Variants in ABCA13 observed in about 807,000 individuals in gnomAD.
The protein encoded by ABCA13 is ATP-binding cassette sub-family A member 13.
In ABCA13, 476 loss-of-function variants were observed where a neutral mutation model predicts 478.7. That is an observed-to-expected ratio of 0.99 (90% CI 0.92 to 1.07). ABCA13 has a LOEUF of 1.07. Ranked by LOEUF, ABCA13 falls within the 50% of genes least tolerant of loss-of-function variation. The probability of loss-of-function intolerance (pLI) is 0.00; values close to 1 mark genes in which losing one functional copy is unlikely to be tolerated. For missense variants in ABCA13, 6,060 were observed against 5,910.6 expected (o/e 1.03, Z -0.83); for synonymous variants, 2,252 against 2,158.9 (o/e 1.04, Z -1.20).
At chr7:48,251,839 A>C (rs944177105) in intron 15 of ABCA13, among the ~76,000 whole-genome samples, 2 of 152,242 alleles carry the variant, frequency 1.3e-5, no homozygotes, top group African/African-American at 4.8e-5. Context: ...TATATTTCAC[A>C]CATTTTAATA....
intron 51 of ABCA13, among the ~76,000 whole-genome samples, chr7:48,512,991 A>G (rs1831822295): frequency 6.6e-6 from 1 of 152,210 alleles, no homozygotes; most frequent in Non-Finnish European, 1.5e-5. Flanking sequence ...ATGGGAATGC[A>G]GATTTAGAAG....
chr7:48,587,163 GACCTCATCAGGCGCTTAC>G lies in ABCA13; in HGVS notation c.14521_14538del (p.Ile4841_Leu4846del). On this transcript the variant is annotated inframe_deletion, in exon 57 of 62. Transcript: ENST00000435803. ...CATGCCTCTCTTCCAGGTTGCTGGA[GACCTCATCAGGCGCTTAC>G]ACCTCGAAGCCCACGCGGACAAACC... 6.2e-7 allele frequency: 1 copy of G among 1,613,242 alleles called. No individual in the cohort carries two copies.
intron 46 of ABCA13, 93 bp from the exon 47 acceptor site, chr7:48,482,983 G>C: frequency 1.0e-6 from 1 of 970,610 alleles, no homozygotes; most frequent in Non-Finnish European, 1.5e-6. Context: ...TCCTAAGACT[G>C]CTGTACCTGG....
intron 51 of ABCA13, among the ~76,000 whole-genome samples, chr7:48,511,881 A>G (rs973658433): frequency 3.9e-5 from 6 of 152,202 alleles, no homozygotes; most frequent in Non-Finnish European, 8.8e-5. Context: ...AAAAGATAAA[A>G]CAGCTTGCTC....
intron 51 of ABCA13, among the ~76,000 whole-genome samples, chr7:48,513,068 G>A (rs970659970): frequency 1.3e-5 from 2 of 152,228 alleles, no homozygotes; most frequent in African/African-American, 4.8e-5. Flanking sequence ...ACTGTAACAG[G>A]AGGGGCAGTG....
chr7:48,609,873 C>T (rs535374021), intron 58 of ABCA13, among the ~76,000 whole-genome samples: 2 of 152,216 alleles, frequency 1.3e-5, no homozygotes, highest in African/African-American at 2.4e-5. Context: ...GGGAAACCTG[C>T]CCCATGATCA....
At chr7:48,626,508 TA>T (rs138962764) in intron 59 of ABCA13, 113 of 608,224 alleles carry the variant, frequency 1.9e-4, no homozygotes, top group South Asian at 4.4e-4. Context: ...AATTCTAAGG[TA>T]AAAAAAAGGC....
At chr7:48,598,403 T>C (rs576471292) in intron 58 of ABCA13, among the ~76,000 whole-genome samples, 2 of 152,326 alleles carry the variant, frequency 1.3e-5, no homozygotes, top group African/African-American at 4.8e-5. Flanking sequence ...CGTGTGCAGT[T>C]TTTTGTGTGA....
chr7:48,604,966 C>T (rs933954666), intron 58 of ABCA13, among the ~76,000 whole-genome samples: 7 of 152,200 alleles, frequency 4.6e-5, no homozygotes, highest in African/African-American at 1.7e-4. Context: ...GCATTGATCC[C>T]TTTACCATTA....
chr7:48,443,751 C>T (rs768833071), intron 42 of ABCA13, among the ~76,000 whole-genome samples: 3 of 152,160 alleles, frequency 2.0e-5, no homozygotes, highest in African/African-American at 7.2e-5. Context: ...CCCCTCTCCT[C>T]GTGCCTCCGG....
intron 23 of ABCA13, among the ~76,000 whole-genome samples, chr7:48,301,337 CG>C (rs968069783): frequency 1.3e-5 from 2 of 151,982 alleles, no homozygotes; most frequent in African/African-American, 4.8e-5. Flanking sequence ...CTGGTTCTGT[CG>C]GTTGCGACAT....
At chr7:48,295,902 C>G (rs749199840) in intron 21 of ABCA13, 39 bp downstream of exon 21, 3 of 1,558,052 alleles carry the variant, frequency 1.9e-6, no homozygotes, top group East Asian at 2.3e-5. Flanking sequence ...CCCAGTACTT[C>G]CATTCATAGA....
intron 19 of ABCA13, among the ~76,000 whole-genome samples, chr7:48,282,851 C>T (rs552462807): frequency 6.1e-4 from 93 of 152,242 alleles, no homozygotes; most frequent in Middle Eastern, 3.4e-3. Context: ...GTTGTGAGAA[C>T]CCAGAGACTG....
chr7:48,416,563 T>G (rs1344443019), intron 41 of ABCA13, among the ~76,000 whole-genome samples: 1 of 152,178 alleles, frequency 6.6e-6, no homozygotes, highest in Admixed American at 6.5e-5. Flanking sequence ...AAACTTCTAG[T>G]GCAGCGCGTG....
At chr7:48,627,161 A>G (rs915461753) in intron 59 of ABCA13, 26 of 640,622 alleles carry the variant, frequency 4.1e-5, no homozygotes, top group Non-Finnish European at 4.9e-5. Flanking sequence ...CCACTTCACA[A>G]TAAAGAAACT....
At chr7:48,576,791 C>A (rs1284916062) in intron 55 of ABCA13, among the ~76,000 whole-genome samples, 1 of 151,930 alleles carries the variant, frequency 6.6e-6, no homozygotes, top group Non-Finnish European at 1.5e-5. Context: ...CCAGTAAGCA[C>A]AATATAACTT....
At chr7:48,268,733 G>A (rs1795198320) in intron 15 of ABCA13, among the ~76,000 whole-genome samples, 1 of 151,172 alleles carries the variant, frequency 6.6e-6, no homozygotes, top group Non-Finnish European at 1.5e-5. Flanking sequence ...ATAATCATAG[G>A]TCTCGCTCTG....
At chr7:48,625,149 C>G (rs964258627) in intron 59 of ABCA13, among the ~76,000 whole-genome samples, 2 of 152,148 alleles carry the variant, frequency 1.3e-5, no homozygotes, top group Non-Finnish European at 2.9e-5. Context: ...TCTCAAGCTA[C>G]CACTGTCTGA....
intron 41 of ABCA13, among the ~76,000 whole-genome samples, chr7:48,415,424 T>C (rs1005329738): frequency 2.6e-5 from 4 of 152,214 alleles, no homozygotes; most frequent in Non-Finnish European, 5.9e-5. Flanking sequence ...TTACTAGTTG[T>C]ATGGTGTCTT....
Sources: gnomAD v4.1 joint callset for allele counts (sites outside exome capture counted in the v4.1 genomes callset) on GRCh38, gnomAD v4.1.1 for gene constraint, MANE v1.5 for transcripts, NCBI Gene and HGNC (gene_info 2026-07-23, HGNC 2026-07-21) for gene names.